The following COL1A2 variants were observed in gnomAD, a reference collection of about 807,000 sequenced individuals.
COL1A2 encodes collagen type I alpha 2 chain, also known as collagen alpha-2(I) chain.
In COL1A2, 49 loss-of-function variants were observed where a neutral mutation model predicts 174.3. That is an observed-to-expected ratio of 0.28 (90% CI 0.22 to 0.36). The LOEUF (loss-of-function observed/expected upper bound fraction) is 0.36. COL1A2 is among the 10% of genes least tolerant of loss of function. The pLI, the probability that COL1A2 is intolerant of heterozygous loss-of-function variation, is 1.00. For missense variants in COL1A2, 1,438 were observed against 1,822.7 expected (o/e 0.79, Z 3.84); for synonymous variants, 655 against 606.6 (o/e 1.08, Z -1.17).
At position 94,427,271 on chromosome 7, in the gene COL1A2, C is replaced by A. The variant is rs1430668539; in HGVS notation, c.3243C>A (p.Gly1081=). The A allele has an allele frequency of 6.2e-7, 1 of 1,613,346 alleles. No individual in the cohort carries two copies. The highest frequency in any genetic ancestry group is 1.1e-5 in the South Asian group (1 of 90,884). ...CAGTTGGACCTGCTGGCATTCGAGG[C>A]CCTCAGGGTCACCAAGGCCCTGCTG... ...PGTVGPAGIR[G]PQGHQGPAGP... The change falls in exon 48 of 52, where the codon GGC becomes GGA. Residue 1081 remains glycine (G), a synonymous_variant. Transcript: ENST00000297268.
chr7:94,395,301 G>A lies in COL1A2; in HGVS notation c.70+200G>A, dbSNP rs1791560851. On this transcript the variant is annotated intron_variant, in intron 1 of 51. Coordinates refer to ENST00000297268, the MANE Select transcript of COL1A2 (RefSeq NM_000089.4). ...TGAAAACATAAAAGCCTTGCCAAAA[G>A]TTAGGGAACTTTTCCTCTAAGTTCA... 5.8e-6 allele frequency: 4 copies of A among 691,688 alleles called. No individual in the cohort carries two copies. In the Admixed American group the frequency reaches 7.3e-5, roughly 13 times the overall value. 42.8% of individuals were successfully genotyped at this position (691,688 alleles called of 1,614,324 possible).
At position 94,429,307 on chromosome 7, in the gene COL1A2, A is replaced by G. The variant is rs989857227; in HGVS notation, c.3831A>G (p.Ala1277=). ...CCTACCACTGCAAGAACAGCATTGC[A>G]TACATGGATGAGGAGACTGGCAACC... ...NITYHCKNSI[A]YMDEETGNLK... Residue 1277 remains alanine (A), a synonymous_variant, in exon 51 of 52, where the codon GCA becomes GCG. Transcript: ENST00000297268. The G allele has an allele frequency of 1.2e-6, 2 of 1,613,990 alleles. No individual in the cohort carries two copies. The highest frequency in any genetic ancestry group is 1.3e-5 in the African/African-American group (1 of 74,898).
At chr7:94,414,148 C>T in intron 28 of COL1A2, 74 bp from the exon 29 acceptor site, 1 of 1,516,240 alleles carries the variant, frequency 6.6e-7, no homozygotes, top group South Asian at 1.1e-5. Context: ...TAGCCACCAC[C>T]CCCAAACTCA....
chr7:94,409,288 C>T (rs1791866596), intron 16 of COL1A2, 34 bp from the exon 17 acceptor site: 1 of 1,569,940 alleles, frequency 6.4e-7, no homozygotes, highest in Admixed American at 1.7e-5. Flanking sequence ...TCATTATTTG[C>T]TGGTTAATTC....
rs375719762 is a variant in COL1A2, at chr7:94,425,197, C to T, written c.2754C>T (p.Asn918=). 7.4e-5 allele frequency: 120 copies of T among 1,614,048 alleles called. No homozygotes were observed. Among genetic ancestry groups the T allele is most frequent in the African/African-American group, 4.8e-4 (36 of 75,018 alleles). Residue 918 remains asparagine (N), a synonymous_variant, in exon 42 of 52, where the codon AAC becomes AAT. Coordinates refer to ENST00000297268, the MANE Select transcript of COL1A2 (RefSeq NM_000089.4). ...GTGCTGTGGGTAGTCCTGGAGTCAA[C>T]GGTGCTCCTGGTGAAGCTGGTCGTG... The part of the protein sequence containing the change: ...PPGAVGSPGV[N]GAPGEAGRDG...
chr7:94,402,838 G>C (rs1231317492), intron 6 of COL1A2, among the ~76,000 whole-genome samples: 1 of 152,042 alleles, frequency 6.6e-6, no homozygotes, highest in Non-Finnish European at 1.5e-5. Context: ...TGTTCTGCTG[G>C]AGCTAATGGC....
intron 50 of COL1A2, 68 bp from the exon 51 acceptor site, chr7:94,429,120 T>C: frequency 7.9e-7 from 1 of 1,261,256 alleles, no homozygotes; most frequent in East Asian, 2.4e-5. Context: ...TTTTTTTTTT[T>C]TTCATGTTTG....
rs34511999 is a variant in COL1A2, at chr7:94,409,734, C to T, written c.948C>T (p.Gly316=). 13,516 of 1,614,104 alleles carry T rather than the reference C, an allele frequency of 8.4e-3. 69 individuals carry two copies. The highest frequency in any genetic ancestry group is 0.016 in the Middle Eastern group (94 of 6,058). Residue 316 remains glycine, a synonymous_variant, in exon 19 of 52, where the codon GGC becomes GGT. Coordinates refer to ENST00000297268, the MANE Select transcript of COL1A2 (RefSeq NM_000089.4). ...ATTTTCCTTCACAGGGCCTTCCCGGCGTTGCTGGGGCTCCCGGCCTCCCTG... is the reference window on the plus strand; with the variant it reads ...ATTTTCCTTCACAGGGCCTTCCCGGTGTTGCTGGGGCTCCCGGCCTCCCTG... ...TGAKGAAGLP[G]VAGAPGLPGP...
intron 21 of COL1A2, 42 bp from the exon 22 acceptor site, chr7:94,410,847 G>T: frequency 6.2e-7 from 1 of 1,600,788 alleles, no homozygotes; most frequent in South Asian, 1.1e-5. Context: ...TCAAAGCCAA[G>T]AGATTTCTTT....
intron 7 of COL1A2, 21 bp from the exon 8 acceptor site, chr7:94,404,672 G>A: frequency 6.2e-7 from 1 of 1,614,118 alleles, no homozygotes; most frequent in Non-Finnish European, 8.5e-7. Context: ...CTTGGAGTAT[G>A]ACATTCTTTT....
intron 32 of COL1A2, among the ~76,000 whole-genome samples, chr7:94,418,090 T>C (rs1792079036): frequency 6.6e-6 from 1 of 152,186 alleles, no homozygotes; most frequent in Non-Finnish European, 1.5e-5. Context: ...CTAACAATAA[T>C]GCCTCATCCT....
Position 94,406,243 on chromosome 7 carries a change from C to T in COL1A2, c.541-7C>T. The T allele has an allele frequency of 6.2e-7, 1 of 1,613,624 alleles. No homozygotes were observed. Among genetic ancestry groups the T allele is most frequent in the Non-Finnish European group, 8.5e-7 (1 of 1,179,646 alleles). On this transcript the variant is annotated splice_polypyrimidine_tract_variant and splice_region_variant and intron_variant, in intron 11 of 51. Transcript: ENST00000297268. Reference sequence around the variant, plus strand: ...AACAGCATTTTATAATAAGGCTTTCCTTTCAGGGACACAATGGTCTGGATG... The same window carrying T: ...AACAGCATTTTATAATAAGGCTTTCTTTTCAGGGACACAATGGTCTGGATG...
intron 32 of COL1A2, 68 bp from the exon 33 acceptor site, chr7:94,418,431 C>T (rs1317466474): frequency 7.3e-7 from 1 of 1,368,348 alleles, no homozygotes; most frequent in African/African-American, 1.4e-5. Context: ...AAGAAAAAAA[C>T]TTCATATTAA....
chr7:94,429,107 T>C (rs2115965487), intron 50 of COL1A2, 81 bp from the exon 51 acceptor site: 23 of 953,468 alleles, frequency 2.4e-5, no homozygotes, highest in Non-Finnish European at 2.8e-5. Flanking sequence ...TCTTTTTTTT[T>C]CTTTTTTTTT....
In COL1A2 at chr7:94,423,134, C is replaced by T. The variant is rs1792203915; in HGVS notation, c.2565+16C>T. ...TGGTACTGCTGTAAGTGATTTCCAA[C>T]TCCTCTTTCTTAATACCTTATGCTG... On this transcript the variant is annotated intron_variant, in intron 40 of 51. Coordinates refer to ENST00000297268, the MANE Select transcript of COL1A2 (RefSeq NM_000089.4). 5 of 1,613,758 alleles carry T rather than the reference C, an allele frequency of 3.1e-6. No individual in the cohort carries two copies. The highest frequency in any genetic ancestry group is 4.2e-6 in the Non-Finnish European group (5 of 1,179,836).
chr7:94,426,317 A>G (rs1192902895), intron 45 of COL1A2, 106 bp from the exon 46 acceptor site: 2 of 1,077,052 alleles, frequency 1.9e-6, no homozygotes, highest in East Asian at 5.2e-5. Flanking sequence ...CTAAACCATT[A>G]CATGTCCTGA....
chr7:94,430,045 G>C, intron 51 of COL1A2: 1 of 595,182 alleles, frequency 1.7e-6, no homozygotes. Flanking sequence ...TTGTTTGTTT[G>C]TTTTTTGTTA....
At chr7:94,408,688 G>A (rs1791855468) in intron 15 of COL1A2, 82 bp from the exon 16 acceptor site, 1 of 1,458,644 alleles carries the variant, frequency 6.9e-7, no homozygotes, top group African/African-American at 1.4e-5. Context: ...GCCACTGTAA[G>A]CAACTTCAAT....
Position 94,425,784 on chromosome 7 carries a change from T to A in COL1A2, c.2870T>A (p.Val957Asp), listed in dbSNP as rs374347304. 5.6e-5 allele frequency: 90 copies of A among 1,613,328 alleles called. No individual in the cohort carries two copies. In the South Asian group the frequency reaches 8.6e-4, roughly 15 times the overall value. Residue 957 changes from valine to aspartate, a missense_variant, in exon 44 of 52, where the codon GTT becomes GAT. Val to Asp is a radical substitution (Grantham distance 152, BLOSUM62 -3). Around this residue, in one of 3 missense-constraint regions of COL1A2, gnomAD observed 867 missense variants for 1,213.7 expected, o/e 0.71. Coordinates refer to ENST00000297268, the MANE Select transcript of COL1A2 (RefSeq NM_000089.4). ...GGTTACCCTGGCAATATTGGTCCCG[T>A]TGGTGCTGCAGGTGCACCTGGTCCT... ...ERGYPGNIGP[V>D]GAAGAPGPHG...
Sources: gnomAD v4.1 joint callset for allele counts (sites outside exome capture counted in the v4.1 genomes callset) on GRCh38, gnomAD v4.1.1 for gene constraint, gnomAD v4.1.1 regional missense constraint, MANE v1.5 for transcripts, NCBI Gene and HGNC (gene_info 2026-07-23, HGNC 2026-07-21) for gene names.